HERC6: variants seen among roughly 807,000 people sequenced by gnomAD.
HERC6 encodes the protein probable E3 ubiquitin-protein ligase HERC6.
Under a neutral mutation model 114.5 loss-of-function variants are expected in HERC6, and 101 were observed. The ratio of observed to expected loss-of-function variants is 0.88; its 90% CI spans 0.75 to 1.04. The LOEUF (loss-of-function observed/expected upper bound fraction) is 1.04. Among genes scored for constraint, HERC6 ranks in the 50% least tolerant of loss-of-function variants. The pLI is 0.00. For missense variants in HERC6, 1,133 were observed against 1,230.9 expected, an observed-to-expected ratio of 0.92 and a Z score of 1.19; for synonymous variants, 408 against 436.2, an observed-to-expected ratio of 0.94 and a Z score of 0.81.
rs772346446 is a variant in HERC6, at chr4:88,413,063, T to C, written c.1369-14T>C. 4 of 1,590,368 alleles carry C rather than the reference T, an allele frequency of 2.5e-6. No individual in the cohort carries two copies. The African/African-American group carries it at 5.4e-5, about 22-fold the overall frequency. Reference sequence around the variant, plus strand: ...ATATCCTGGGTCTGTTCCCTGATCCTATTTTTACCACAGATAACTACGTGT... The same window carrying C: ...ATATCCTGGGTCTGTTCCCTGATCCCATTTTTACCACAGATAACTACGTGT... On this transcript the variant is annotated splice_polypyrimidine_tract_variant and intron_variant, in intron 11 of 22. Coordinates refer to ENST00000264346, the MANE Select transcript of HERC6 (RefSeq NM_017912.4).
At chr4:88,390,119 C>T (rs1014657396) in intron 3 of HERC6, among the ~76,000 whole-genome samples, 18 of 136,070 alleles carry the variant, frequency 1.3e-4, no homozygotes, top group African/African-American at 4.9e-4. Flanking sequence ...GTGGAGTTTG[C>T]AGTGAGCCAA....
chr4:88,422,238 A>C (rs1737141029), intron 13 of HERC6, among the ~76,000 whole-genome samples: 1 of 152,094 alleles, frequency 6.6e-6, no homozygotes, highest in Admixed American at 6.5e-5. Flanking sequence ...TAATCTCTTG[A>C]CTTCTTTGGA....
chr4:88,396,771 A>T, intron 6 of HERC6, 80 bp from the exon 7 acceptor site: 1 of 1,302,300 alleles, frequency 7.7e-7, no homozygotes, highest in Non-Finnish European at 1.0e-6. Context: ...TGTGTTTGTT[A>T]TTTTGTCTTA....
In HERC6 at chr4:88,404,937, C is replaced by A. The variant is rs753118534; in HGVS notation, c.1154C>A (p.Ser385Tyr). The change falls in exon 9 of 23, where the codon TCC (serine) becomes TAC (tyrosine). Residue 385 changes from serine (S) to tyrosine (Y), a missense_variant. Transcript: ENST00000264346. Reference sequence around the variant, plus strand: ...CCAGAAATAAGCCGAATTAGCCAGTCCATGGCAGAAAAATGGATAGCAGTG... The same window carrying A: ...CCAGAAATAAGCCGAATTAGCCAGTACATGGCAGAAAAATGGATAGCAGTG... Reference protein sequence around the residue: ...TLPEISRISQSMAEKWIAVKR... With the variant: ...TLPEISRISQYMAEKWIAVKR... The A allele has an allele frequency of 2.0e-5, 32 of 1,613,604 alleles. No homozygotes were observed. Among genetic ancestry groups the A allele is most frequent in the African/African-American group, 2.7e-5 (2 of 74,886 alleles).
chr4:88,432,400 CAA>C (rs1235048258), intron 17 of HERC6, among the ~76,000 whole-genome samples: 8 of 107,006 alleles, frequency 7.5e-5, no homozygotes, highest in African/African-American at 3.5e-5. Context: ...GACTCCGGCT[CAA>C]AAAAAAAAAA....
In HERC6 at chr4:88,442,540, T is replaced by C; in HGVS notation, c.*80T>C. The C allele has an allele frequency of 9.6e-7, 1 of 1,037,664 alleles. No homozygotes were observed. The highest frequency in any genetic ancestry group is 1.5e-6 in the Non-Finnish European group (1 of 685,576). The allele number at this position is 1,037,664 out of a possible 1,614,324, so 64.3% of individuals were successfully genotyped here. On this transcript the variant is annotated 3_prime_UTR_variant, in exon 23 of 23. Transcript: ENST00000264346. Reference sequence around the variant, plus strand: ...CCTTACACCTAAATAATACAAGAGATTAATGAATAGTGGTTAGAAGTAGTT... The same window carrying C: ...CCTTACACCTAAATAATACAAGAGACTAATGAATAGTGGTTAGAAGTAGTT...
chr4:88,396,668 C>T (rs1294835382), intron 6 of HERC6, among the ~76,000 whole-genome samples, 183 bp from the exon 7 acceptor site: 1 of 152,206 alleles, frequency 6.6e-6, no homozygotes, highest in Non-Finnish European at 1.5e-5. Context: ...TTAATATTGA[C>T]TGACCGTCTG....
In HERC6 at chr4:88,413,160, G is replaced by A; in HGVS notation, c.1452G>A (p.Leu484=). 6.2e-7 allele frequency: 1 copy of A among 1,613,518 alleles called. No homozygotes were observed. Among genetic ancestry groups the A allele is most frequent in the Non-Finnish European group, 8.5e-7 (1 of 1,179,566 alleles). ...PHQEALSVFL[L]LPECPVMHDS... is the part of the protein sequence containing the mutation. ...AAGAAGCTTTATCAGTTTTCCTCCT[G>A]CTCCCAGAATGTCCTGTGATGCATG... The change falls in exon 12 of 23, where the codon CTG becomes CTA. Residue 484 remains leucine, a synonymous_variant. Transcript: ENST00000264346.
intron 16 of HERC6, 25 bp from the exon 17 acceptor site, chr4:88,431,137 C>T (rs1181725190): frequency 1.0e-5 from 16 of 1,593,506 alleles, no homozygotes; most frequent in Middle Eastern, 1.7e-4. Flanking sequence ...AAGTCAGGAT[C>T]TGGGACTATG....
intron 8 of HERC6, among the ~76,000 whole-genome samples, chr4:88,401,916 G>C (rs536398874): frequency 6.6e-6 from 1 of 152,302 alleles, no homozygotes; most frequent in Non-Finnish European, 1.5e-5. Flanking sequence ...GTGATGTTAG[G>C]CTGCTTCAGT....
At chr4:88,434,500 T>C (rs1738544000) in intron 17 of HERC6, among the ~76,000 whole-genome samples, 1 of 151,774 alleles carries the variant, frequency 6.6e-6, no homozygotes, top group South Asian at 2.1e-4. Flanking sequence ...GGTTAAGGAA[T>C]GGGATGAAAT....
chr4:88,413,717 A>G (rs905516908), intron 12 of HERC6, among the ~76,000 whole-genome samples: 3 of 152,216 alleles, frequency 2.0e-5, no homozygotes, highest in Non-Finnish European at 4.4e-5. Context: ...CTTTTAGCGT[A>G]TATTGAAAGT....
intron 11 of HERC6, among the ~76,000 whole-genome samples, chr4:88,409,518 G>C (rs188627938): frequency 6.6e-6 from 1 of 152,242 alleles, no homozygotes; most frequent in Non-Finnish European, 1.5e-5. Context: ...ATGTACAATA[G>C]ATACAATATT....
chr4:88,406,915 C>A (rs1446328117), intron 10 of HERC6, among the ~76,000 whole-genome samples: 1 of 152,066 alleles, frequency 6.6e-6, no homozygotes, highest in Non-Finnish European at 1.5e-5. Context: ...CACCACCACA[C>A]CCAGCTAATT....
chr4:88,428,578 A>C lies in HERC6; in HGVS notation c.1936-2A>C. On this transcript the variant is annotated splice_acceptor_variant, in intron 15 of 22. Coordinates refer to ENST00000264346, the MANE Select transcript of HERC6 (RefSeq NM_017912.4). LOFTEE classifies it high-confidence loss of function. Reference sequence around the variant, plus strand: ...AGCCAACTAAAAAATTTATTTTTCCAGATGTCAGAAAAGAAAGCATACATG... The same window carrying C: ...AGCCAACTAAAAAATTTATTTTTCCCGATGTCAGAAAAGAAAGCATACATG... 6.4e-7 allele frequency: 1 copy of C among 1,573,934 alleles called. No homozygotes were observed. The highest frequency in any genetic ancestry group is 8.6e-7 in the Non-Finnish European group (1 of 1,166,054).
In HERC6 at chr4:88,439,888, C is replaced by CTAAG. The variant is rs775599774; in HGVS notation, c.2573_2576dup (p.Tyr859Ter). ...CTTCCCTCAAGGAGAGACTATGTTT[C>CTAAG]TAAGTATATTGATTACATTTTCAAC... On this transcript the variant is annotated frameshift_variant, in exon 21 of 23. Coordinates refer to ENST00000264346, the MANE Select transcript of HERC6 (RefSeq NM_017912.4). LOFTEE classifies it high-confidence loss of function. The CTAAG allele has an allele frequency of 1.4e-5, 12 of 836,286 alleles. No homozygotes were observed. In the South Asian group the frequency reaches 2.2e-4, roughly 15 times the overall value. The allele number at this position is 836,286 out of a possible 1,614,324, so 51.8% of individuals were successfully genotyped here. A position where few individuals can be genotyped will look rare whatever the true frequency, so the allele number is the denominator to read the frequency against.
At chr4:88,381,818 A>G (rs1030248835) in intron 1 of HERC6, among the ~76,000 whole-genome samples, 2 of 151,900 alleles carry the variant, frequency 1.3e-5, no homozygotes, top group African/African-American at 4.8e-5. Context: ...GGCCTCCCAA[A>G]GTGCTGGGAT....
Position 88,417,522 on chromosome 4 carries a change from C to T in HERC6, c.1656C>T (p.Thr552=), listed in dbSNP as rs779984966. 23 of 1,612,498 alleles carry T rather than the reference C, an allele frequency of 1.4e-5. No individual in the cohort carries two copies. Among genetic ancestry groups the T allele is most frequent in the South Asian group, 5.5e-5 (5 of 90,808 alleles). The change falls in exon 13 of 23, where the codon ACC becomes ACT. Residue 552 remains threonine (T), a synonymous_variant. Transcript: ENST00000264346. ...IISQLLHQTK[T]EQDHCNVKAL... ...CTCAGCTGCTTCATCAGACTAAAAC[C>T]GAACAGGATCACTGTAATGTTAAAG...
chr4:88,401,712 A>G (rs1351075516), intron 8 of HERC6, among the ~76,000 whole-genome samples: 1 of 152,178 alleles, frequency 6.6e-6, no homozygotes, highest in Non-Finnish European at 1.5e-5. Context: ...GATGCATAAG[A>G]CAAGGTCCCC....
Sources: allele counts gnomAD v4.1 joint callset (sites outside exome capture counted in the v4.1 genomes callset), GRCh38; gene constraint gnomAD v4.1.1; transcripts MANE v1.5; gene names NCBI Gene and HGNC (gene_info 2026-07-23, HGNC 2026-07-21).